HSPA12A: variants seen among roughly 807,000 people sequenced by gnomAD.
The protein encoded by HSPA12A is heat shock 70 kDa protein 12A.
HSPA12A carries 28 observed loss-of-function variants against 69.2 expected under a neutral mutation model. The ratio of observed to expected loss-of-function variants is 0.40; its 90% CI spans 0.30 to 0.55. The LOEUF is 0.55. Ranked by LOEUF, HSPA12A falls within the 20% of genes least tolerant of loss-of-function variation. HSPA12A has a pLI of 0.38. For synonymous variants in HSPA12A, 345 were observed against 370.5 expected (o/e 0.93, Z 0.79); for missense variants, 686 against 900.7 (o/e 0.76, Z 3.05).
intron 1 of HSPA12A, among the ~76,000 whole-genome samples, chr10:116,731,716 A>G (rs1554885771): frequency 6.6e-6 from 1 of 152,094 alleles, no homozygotes; most frequent in Admixed American, 6.5e-5. Flanking sequence ...ACTGTTAACT[A>G]TTTGTGGGAG....
chr10:116,833,086 C>A (rs1845649162), intron 2 of HSPA12A: 1 of 152,198 alleles, frequency 6.6e-6, no homozygotes, highest in South Asian at 2.1e-4. Flanking sequence ...ATAAAACAAA[C>A]ATTGCTTTTT....
Position 116,778,801 on chromosome 10 carries a change from A to G in HSPA12A, c.91+56134T>C, listed in dbSNP as rs186392478. On this transcript the variant is annotated intron_variant, in intron 2 of 12. Transcript: ENST00000635765. ...ATAAAATAAATTAGCTGGGCATGGT[A>G]GCATGTGCCTATGGTCCTAGCTACT... Among the ~76,000 whole-genome samples the G allele has an allele frequency of 2.1e-3, 314 of 152,198 alleles. 2 individuals are homozygous for G. The highest frequency in any genetic ancestry group is 7.1e-3 in the African/African-American group (296 of 41,538).
At chr10:116,778,121 T>TG (rs1844381733) in intron 2 of HSPA12A, among the ~76,000 whole-genome samples, 3 of 152,086 alleles carry the variant, frequency 2.0e-5, no homozygotes, top group Non-Finnish European at 4.4e-5. Context: ...CGCACATCAT[T>TG]GGGGGGGCCT....
At chr10:116,801,794 T>C (rs1844962552) in intron 2 of HSPA12A, among the ~76,000 whole-genome samples, 1 of 152,040 alleles carries the variant, frequency 6.6e-6, no homozygotes, top group Admixed American at 6.5e-5. Context: ...AAAGCTTACT[T>C]AATAGTATTG....
intron 2 of HSPA12A, among the ~76,000 whole-genome samples, chr10:116,705,947 G>A (rs1207133042): frequency 1.4e-5 from 2 of 147,918 alleles, no homozygotes; most frequent in African/African-American, 2.5e-5. Flanking sequence ...CCAGGCTGGA[G>A]CGCAGTGGCC....
At chr10:116,792,333 A>G (rs1377867420) in intron 2 of HSPA12A, among the ~76,000 whole-genome samples, 1 of 151,630 alleles carries the variant, frequency 6.6e-6, no homozygotes, top group Non-Finnish European at 1.5e-5. Context: ...TTAAGAGACA[A>G]AGAGTTCGGA....
chr10:116,704,842 C>T (rs1554882124), intron 3 of HSPA12A, among the ~76,000 whole-genome samples: 1 of 152,200 alleles, frequency 6.6e-6, no homozygotes, highest in East Asian at 1.9e-4. Context: ...CCCTCCATCA[C>T]AGACACTACA....
intron 2 of HSPA12A, among the ~76,000 whole-genome samples, chr10:116,806,582 C>T (rs1455813644): frequency 6.6e-6 from 1 of 151,952 alleles, no homozygotes; most frequent in East Asian, 1.9e-4. Flanking sequence ...TTGCCACAGG[C>T]CATGATATGA....
chr10:116,706,432 G>A (rs73380060), intron 2 of HSPA12A, among the ~76,000 whole-genome samples: 1 of 152,096 alleles, frequency 6.6e-6, no homozygotes, highest in Admixed American at 6.5e-5. Context: ...CAGGAATAAA[G>A]GAGTCCCCAG....
At chr10:116,704,150 C>G (rs1850163521) in intron 3 of HSPA12A, among the ~76,000 whole-genome samples, 1 of 152,194 alleles carries the variant, frequency 6.6e-6, no homozygotes, top group East Asian at 1.9e-4. Flanking sequence ...GCTGTAAAGA[C>G]ACATGCACAC....
intron 1 of HSPA12A, among the ~76,000 whole-genome samples, chr10:116,848,535 A>G (rs1845948401): frequency 6.6e-6 from 1 of 152,192 alleles, no homozygotes; most frequent in South Asian, 2.1e-4. Flanking sequence ...TGATCTGCTT[A>G]GGTAGGAAAC....
intron 4 of HSPA12A, 38 bp downstream of exon 4, chr10:116,700,905 T>C (rs781874648): frequency 4.4e-6 from 7 of 1,599,546 alleles, no homozygotes; most frequent in South Asian, 2.2e-5. Flanking sequence ...TGGCACTCCA[T>C]TGCGGGGGAC....
At chr10:116,803,177 G>C (rs759796831) in intron 2 of HSPA12A, among the ~76,000 whole-genome samples, 1 of 152,268 alleles carries the variant, frequency 6.6e-6, no homozygotes, top group Non-Finnish European at 1.5e-5. Flanking sequence ...ATTTTCTGAG[G>C]GTATGCTGTG....
chr10:116,768,556 C>T (rs1192282689), intron 2 of HSPA12A, among the ~76,000 whole-genome samples: 1 of 152,140 alleles, frequency 6.6e-6, no homozygotes, highest in Non-Finnish European at 1.5e-5. Flanking sequence ...GCCTCCACTC[C>T]CGGCTGGAGA....
At position 116,710,861 on chromosome 10, in the gene HSPA12A, A is replaced by C. The variant is rs75403742; in HGVS notation, c.41-3576T>G. 6.6e-6 allele frequency among the ~76,000 whole-genome samples: 1 copy of C among 152,174 alleles called. No homozygotes were observed. Among genetic ancestry groups the C allele is most frequent in the Non-Finnish European group, 1.5e-5 (1 of 68,036 alleles). ...AGACATGCTACTGTTTCTCTACTTCACTACTTAGGATGTCAAAATGATGCT... is the reference window on the plus strand; with the variant it reads ...AGACATGCTACTGTTTCTCTACTTCCCTACTTAGGATGTCAAAATGATGCT... On this transcript the variant is annotated intron_variant, in intron 1 of 11. Transcript: ENST00000369209. This position sits in a 1 kb window ranked among gnomAD's most constrained non-coding sequence, Gnocchi z 4.1.
intron 1 of HSPA12A, among the ~76,000 whole-genome samples, chr10:116,717,674 A>G (rs1850649781): frequency 6.6e-6 from 1 of 152,092 alleles, no homozygotes; most frequent in Non-Finnish European, 1.5e-5. Flanking sequence ...TATTATTGTT[A>G]CCATCATCAT....
At position 116,843,915 on chromosome 10, in the gene HSPA12A, T is replaced by C. The variant is rs778347702; in HGVS notation, c.3+5651A>G. On this transcript the variant is annotated intron_variant, in intron 1 of 12. Coordinates refer to the HSPA12A transcript ENST00000635765. ...ATTTCTAATGGTGCTTAGATTCTAG[T>C]AGAAGCTAATAGAACCTCCAGGTGA... 4.6e-5 allele frequency among the ~76,000 whole-genome samples: 7 copies of C among 152,302 alleles called. No homozygotes were observed. The East Asian group carries it at 5.8e-4, about 13-fold the overall frequency.
At chr10:116,707,111 A>C in intron 2 of HSPA12A, 89 bp downstream of exon 2, 1 of 1,059,376 alleles carries the variant, frequency 9.4e-7, no homozygotes, top group South Asian at 1.6e-5. Context: ...CCAGAATGCA[A>C]AGGAAGTCAG....
chr10:116,816,692 AT>A (rs891927170), intron 2 of HSPA12A, among the ~76,000 whole-genome samples: 2 of 152,110 alleles, frequency 1.3e-5, no homozygotes, highest in African/African-American at 2.4e-5. Flanking sequence ...GCCACTCATG[AT>A]TTTTTTAAAT....
Sources: gnomAD v4.1 joint callset for allele counts (sites outside exome capture counted in the v4.1 genomes callset) on GRCh38, gnomAD v4.1.1 for gene constraint, Gnocchi (gnomAD v3.1) non-coding constraint, MANE v1.5 for transcripts, NCBI Gene and HGNC (gene_info 2026-07-23, HGNC 2026-07-21) for gene names.